The following ITGA3 variants were observed in gnomAD, a reference collection of about 807,000 sequenced individuals.
ITGA3 encodes integrin alpha-3.
Under a neutral mutation model 131.1 loss-of-function variants are expected in ITGA3, and 70 were observed. The ratio of observed to expected loss-of-function variants is 0.53; its 90% CI spans 0.44 to 0.65. The LOEUF (loss-of-function observed/expected upper bound fraction) is 0.65. Among genes scored for constraint, ITGA3 ranks in the 30% least tolerant of loss-of-function variants. ITGA3 has a pLI of 0.00. For missense variants in ITGA3, 1,098 were observed against 1,388.6 expected (o/e 0.79, Z 3.33); for synonymous variants, 537 against 571.6 (o/e 0.94, Z 0.86).
At position 50,089,101 on chromosome 17, in the gene ITGA3, C is replaced by T; in HGVS notation, c.*32-9C>T. 6.2e-7 allele frequency: 1 copy of T among 1,609,872 alleles called. No individual in the cohort carries two copies. Among genetic ancestry groups the T allele is most frequent in the Non-Finnish European group, 8.5e-7 (1 of 1,176,806 alleles). On this transcript the variant is annotated splice_polypyrimidine_tract_variant and intron_variant, in intron 25 of 25. Transcript: ENST00000320031. ...GCTAATGTTCTTTCTCTTCTCCCTC[C>T]AACTCCAGTGTGACTTCTTTAAGCG...
Position 50,089,098 on chromosome 17 carries a change from C to T in ITGA3, c.*32-12C>T, listed in dbSNP as rs562407766. On this transcript the variant is annotated splice_polypyrimidine_tract_variant and intron_variant, in intron 25 of 25. Transcript: ENST00000320031. ...GATGCTAATGTTCTTTCTCTTCTCC[C>T]TCCAACTCCAGTGTGACTTCTTTAA... is the stretch of plus-strand genomic sequence containing the variant. 5 of 1,609,136 alleles carry T rather than the reference C, an allele frequency of 3.1e-6. No homozygotes were observed. The highest frequency in any genetic ancestry group is 1.3e-5 in the African/African-American group (1 of 74,930).
In ITGA3 at chr17:50,075,606, C is replaced by T; in HGVS notation, c.1545C>T (p.Ala515=). Reference sequence around the variant, plus strand: ...CACCCTGTCTACCTGTAGCCCTGGCCTACACTCTGGAGGCTGACAGGGACC... The same window carrying T: ...CACCCTGTCTACCTGTAGCCCTGGCTTACACTCTGGAGGCTGACAGGGACC... ...NPNYRRNITL[A]YTLEADRDRR... Residue 515 remains alanine, a synonymous_variant, in exon 12 of 26, where the codon GCC becomes GCT. Transcript: ENST00000320031. The T allele has an allele frequency of 6.2e-7, 1 of 1,614,246 alleles. No homozygotes were observed. The highest frequency in any genetic ancestry group is 8.5e-7 in the Non-Finnish European group (1 of 1,180,048).
chr17:50,071,895 G>A, intron 6 of ITGA3, 91 bp from the exon 7 acceptor site: 3 of 1,186,936 alleles, frequency 2.5e-6, no homozygotes, highest in Non-Finnish European at 2.4e-6. Context: ...GCAGAGCCCT[G>A]TGCCCTGGCA....
intron 6 of ITGA3, 48 bp from the exon 7 acceptor site, chr17:50,071,938 A>T (rs375802918): frequency 2.6e-6 from 4 of 1,527,364 alleles, no homozygotes; most frequent in Non-Finnish European, 3.6e-6. Context: ...ACTATGCTGC[A>T]TATTGGAGGC....
intron 4 of ITGA3, among the ~76,000 whole-genome samples, chr17:50,070,602 C>A (rs1382545174): frequency 1.6e-5 from 2 of 122,808 alleles, no homozygotes; most frequent in Non-Finnish European, 3.2e-5. Context: ...GGCAAGATCA[C>A]ACCATTGCAC....
At position 50,088,383 on chromosome 17, in the gene ITGA3, G is replaced by T. The variant is rs1909564298; in HGVS notation, c.*31+17G>T. On this transcript the variant is annotated intron_variant, in intron 25 of 25. Coordinates refer to ENST00000320031, the MANE Select transcript of ITGA3 (RefSeq NM_002204.4). ...CCCACCTGGGTAACACGGCCTCCGG[G>T]CCCCCTTCCCCGAGCCCCACAGCTG... 8.5e-6 allele frequency: 12 copies of T among 1,407,400 alleles called. No homozygotes were observed. The East Asian group carries it at 3.0e-4, about 35-fold the overall frequency. The allele number at this position is 1,407,400 out of a possible 1,614,324, so 87.2% of individuals were successfully genotyped here.
intron 1 of ITGA3, among the ~76,000 whole-genome samples, chr17:50,060,455 T>G (rs1173914491): frequency 6.6e-6 from 1 of 152,238 alleles, no homozygotes; most frequent in East Asian, 1.9e-4. Flanking sequence ...ATTCTTCTGC[T>G]TTCTCCTTGG....
rs530445034 is a variant in ITGA3 at position 50,080,333 on chromosome 17, C to T, written c.2778C>T (p.Asn926=). 7.3e-5 allele frequency: 118 copies of T among 1,613,484 alleles called. No individual in the cohort carries two copies. Among genetic ancestry groups the T allele is most frequent in the Non-Finnish European group, 8.9e-5 (105 of 1,179,792 alleles). ...CPIPDAPVVT[N]VTVKARVWNS... ...TCCCTGATGCCCCCGTTGTCACCAA[C>T]GTGACTGTGAAGGCACGAGTGTGGA... The change falls in exon 22 of 26, where the codon AAC becomes AAT. Residue 926 remains asparagine, a synonymous_variant. Coordinates refer to ENST00000320031, the MANE Select transcript of ITGA3 (RefSeq NM_002204.4).
rs776103429 is a variant in ITGA3 at position 50,077,419 on chromosome 17, T to C, written c.2111T>C (p.Leu704Pro). The C allele has an allele frequency of 7.4e-6, 12 of 1,614,058 alleles. No individual in the cohort carries two copies. Among genetic ancestry groups the C allele is most frequent in the Non-Finnish European group, 1.0e-5 (12 of 1,179,938 alleles). ...GCTAATGAGACCATCTTTTGCGAGCTGGGGAACCCCTTCAAACGGAACCAG... is the reference window on the plus strand; with the variant it reads ...GCTAATGAGACCATCTTTTGCGAGCCGGGGAACCCCTTCAAACGGAACCAG... Reference protein sequence around the residue: ...CQANETIFCELGNPFKRNQRM... With the variant: ...CQANETIFCEPGNPFKRNQRM... The change falls in exon 16 of 26, where the codon CTG (leucine) becomes CCG (proline). Residue 704 changes from leucine to proline, a missense_variant. Coordinates refer to ENST00000320031, the MANE Select transcript of ITGA3 (RefSeq NM_002204.4).
intron 7 of ITGA3, among the ~76,000 whole-genome samples, chr17:50,073,248 C>G (rs1908707829): frequency 1.3e-5 from 2 of 152,138 alleles, no homozygotes; most frequent in Non-Finnish European, 2.9e-5. Context: ...ATGTAAAAAG[C>G]CTTGACACTT....
At chr17:50,078,310 A>T (rs1909018593) in intron 18 of ITGA3, 26 bp downstream of exon 18, 2 of 1,588,474 alleles carry the variant, frequency 1.3e-6, no homozygotes, top group Non-Finnish European at 1.7e-6. Context: ...CACCACCCCC[A>T]CCCCAGCCTG....
rs772329786 is a variant in ITGA3 at position 50,078,853 on chromosome 17, G to A, written c.2327G>A (p.Gly776Glu). Residue 776 changes from glycine (G) to glutamate (E), a missense_variant, in exon 19 of 26, where the codon GGG (glycine) becomes GAG (glutamate). Coordinates refer to ENST00000320031, the MANE Select transcript of ITGA3 (RefSeq NM_002204.4). ...MVNHRLQSFF[G>E]GTVMGESGMK... ...AATCACCGGCTACAAAGCTTCTTTGGGGGGACAGTGATGGGTGAGTCTGGC... is the reference window on the plus strand; with the variant it reads ...AATCACCGGCTACAAAGCTTCTTTGAGGGGACAGTGATGGGTGAGTCTGGC... 2 of 1,613,010 alleles carry A rather than the reference G, an allele frequency of 1.2e-6. No individual in the cohort carries two copies. Among genetic ancestry groups the A allele is most frequent in the South Asian group, 1.1e-5 (1 of 91,052 alleles).
At chr17:50,072,958 A>G (rs1409768660) in intron 7 of ITGA3, among the ~76,000 whole-genome samples, 1 of 151,990 alleles carries the variant, frequency 6.6e-6, no homozygotes, top group East Asian at 1.9e-4. Flanking sequence ...TGATAATCTC[A>G]GTTTCCCAGG....
intron 25 of ITGA3, 70 bp downstream of exon 25, chr17:50,088,436 C>A: frequency 1.3e-6 from 1 of 772,324 alleles, no homozygotes; most frequent in Non-Finnish European, 2.2e-6. Context: ...GTCCTATCTG[C>A]TCCTCTTCCC....
chr17:50,080,132 A>G, intron 21 of ITGA3, 130 bp from the exon 22 acceptor site: 1 of 580,190 alleles, frequency 1.7e-6, no homozygotes, highest in Non-Finnish European at 3.1e-6. Flanking sequence ...GCATGAGTGA[A>G]AGGAAGTCAG....
intron 23 of ITGA3, among the ~76,000 whole-genome samples, chr17:50,081,931 A>G (rs534805154): frequency 6.6e-6 from 1 of 152,352 alleles, no homozygotes; most frequent in Admixed American, 6.5e-5. Context: ...AGGTTCAGCC[A>G]TGAGAACCTG....
rs1454704287 is a variant in ITGA3, at chr17:50,090,258, G to C, written c.*1180G>C. ...TTCTTAGCTATCCTTGGCTTTCAGA[G>C]CCAGCCTGGCTCTGCCCCCTCCCCC... On this transcript the variant is annotated 3_prime_UTR_variant, in exon 26 of 26. Coordinates refer to ENST00000320031, the MANE Select transcript of ITGA3 (RefSeq NM_002204.4). 2.2e-6 allele frequency: 1 copy of C among 456,552 alleles called. No individual in the cohort carries two copies. Among genetic ancestry groups the C allele is most frequent in the East Asian group, 7.0e-5 (1 of 14,386 alleles). The allele number at this position is 456,552 out of a possible 1,614,324, so 28.3% of individuals were successfully genotyped here. A position where few individuals can be genotyped will look rare whatever the true frequency, so the allele number is the denominator to read the frequency against.
At chr17:50,072,756 G>A (rs1040521949) in intron 7 of ITGA3, among the ~76,000 whole-genome samples, 1 of 152,082 alleles carries the variant, frequency 6.6e-6, no homozygotes, top group Non-Finnish European at 1.5e-5. Context: ...GGGGAGTTAA[G>A]ATCAAGAATG....
chr17:50,080,463 GGTGTGTGTGTGTGTGTGTGTGT>G, intron 22 of ITGA3, 88 bp downstream of exon 22: 1 of 504,784 alleles, frequency 2.0e-6, no homozygotes. Flanking sequence ...TCATAGCATG[GGTGTGTGTGTGTGTGTGTGTGT>G]GTGTGTGTGT....
Sources: allele counts gnomAD v4.1 joint callset (sites outside exome capture counted in the v4.1 genomes callset), GRCh38; gene constraint gnomAD v4.1.1; transcripts MANE v1.5; gene names NCBI Gene and HGNC (gene_info 2026-07-23, HGNC 2026-07-21).